Variants in LRRTM4 observed in about 807,000 individuals in gnomAD.
LRRTM4 encodes leucine-rich repeat transmembrane neuronal protein 4.
A neutral mutation model predicts 47.6 loss-of-function variants in LRRTM4; 25 were observed. That is an observed-to-expected ratio of 0.53 (90% CI 0.38 to 0.73). The LOEUF (loss-of-function observed/expected upper bound fraction) is 0.73. LRRTM4 is among the 30% of genes least tolerant of loss of function. LRRTM4 has a pLI of 0.00. For missense variants in LRRTM4, 638 were observed against 713.4 expected, an observed-to-expected ratio of 0.89 and a Z score of 1.20; for synonymous variants, 311 against 269.5, an observed-to-expected ratio of 1.15 and a Z score of -1.51.
intron 3 of LRRTM4, among the ~76,000 whole-genome samples, chr2:77,425,243 A>G (rs937232495): frequency 1.3e-5 from 2 of 152,032 alleles, no homozygotes; most frequent in Non-Finnish European, 2.9e-5. Context: ...TCTTGTAAGA[A>G]CTCTCTGTAT....
At chr2:77,397,781 C>A (rs186750305) in intron 3 of LRRTM4, among the ~76,000 whole-genome samples, 3 of 151,778 alleles carry the variant, frequency 2.0e-5, no homozygotes, top group Non-Finnish European at 4.4e-5. Context: ...AAAAGTGATA[C>A]CTTGAGTATA....
intron 3 of LRRTM4, among the ~76,000 whole-genome samples, chr2:77,039,648 A>C (rs1678958448): frequency 6.6e-6 from 1 of 151,282 alleles, no homozygotes; most frequent in East Asian, 1.9e-4. Flanking sequence ...ATACCATATC[A>C]AATATTAATA....
intron 3 of LRRTM4, among the ~76,000 whole-genome samples, chr2:77,077,015 T>G (rs937833402): frequency 6.6e-6 from 1 of 152,160 alleles, no homozygotes. Context: ...TTTCAACTAT[T>G]GTAATCCATT....
At chr2:77,009,968 CT>C (rs1334642272) in intron 3 of LRRTM4, among the ~76,000 whole-genome samples, 1 of 145,500 alleles carries the variant, frequency 6.9e-6, no homozygotes, top group East Asian at 2.0e-4. Flanking sequence ...GGGCAGGACC[CT>C]TTTTTTAAAA....
intron 3 of LRRTM4, among the ~76,000 whole-genome samples, chr2:77,063,042 C>G (rs922773712): frequency 1.3e-5 from 2 of 151,738 alleles, no homozygotes; most frequent in African/African-American, 4.8e-5. Flanking sequence ...GCAACCTCCA[C>G]CTCCAGGGTT....
chr2:76,855,959 C>T (rs187881929), intron 3 of LRRTM4, among the ~76,000 whole-genome samples: 1 of 152,230 alleles, frequency 6.6e-6, no homozygotes, highest in Admixed American at 6.5e-5. Flanking sequence ...AATAAACTGA[C>T]AGTCAGTCAC....
At chr2:76,884,377 T>C (rs1673012612) in intron 3 of LRRTM4, among the ~76,000 whole-genome samples, 1 of 152,194 alleles carries the variant, frequency 6.6e-6, no homozygotes, top group Admixed American at 6.5e-5. Flanking sequence ...CTATACAGTC[T>C]GTTTTCACAC....
chr2:76,801,612 T>C (rs1675688188), intron 3 of LRRTM4, among the ~76,000 whole-genome samples: 1 of 151,826 alleles, frequency 6.6e-6, no homozygotes, highest in South Asian at 2.1e-4. Flanking sequence ...CATATATACA[T>C]ATGTGACTAA....
At chr2:76,954,598 G>A (rs1360359371) in intron 3 of LRRTM4, among the ~76,000 whole-genome samples, 1 of 151,718 alleles carries the variant, frequency 6.6e-6, no homozygotes, top group Non-Finnish European at 1.5e-5. Flanking sequence ...CGAAGAAGAA[G>A]AGAGAAAGGG....
chr2:77,250,674 G>A (rs1459714885), intron 3 of LRRTM4, among the ~76,000 whole-genome samples: 1 of 152,108 alleles, frequency 6.6e-6, no homozygotes, highest in Non-Finnish European at 1.5e-5. Context: ...TTTTCAGAAA[G>A]GCAAAGGCTT....
chr2:77,408,519 C>A (rs1674298182), intron 3 of LRRTM4, among the ~76,000 whole-genome samples: 1 of 152,146 alleles, frequency 6.6e-6, no homozygotes, highest in East Asian at 1.9e-4. Context: ...AAAATCAGTT[C>A]TTAACTTGTG....
chr2:76,786,311 ATATTTATAACAGAT>A lies in LRRTM4; in HGVS notation c.1552-37409_1552-37396del, dbSNP rs1021855626. On this transcript the variant is annotated intron_variant, in intron 3 of 3. Coordinates refer to ENST00000409884, the MANE Select transcript of LRRTM4 (RefSeq NM_001134745.3). Reference sequence around the variant, plus strand: ...ATGGCGGAGATTGTATTGGTTAAGAATATTTATAACAGATAGAACAAAGCAAAAAATAAAAATAA... The same window carrying A: ...ATGGCGGAGATTGTATTGGTTAAGAAAGAACAAAGCAAAAAATAAAAATAA... 1.7e-4 allele frequency among the ~76,000 whole-genome samples: 26 copies of A among 152,268 alleles called. 2 individuals are homozygous for A. The highest frequency in any genetic ancestry group is 1.6e-3 in the Admixed American group (25 of 15,282).
At chr2:76,902,438 AG>A (rs1021332210) in intron 3 of LRRTM4, among the ~76,000 whole-genome samples, 7 of 152,142 alleles carry the variant, frequency 4.6e-5, no homozygotes, top group Non-Finnish European at 1.0e-4. Context: ...CTTTAGCAAA[AG>A]TTTGTGTGTC....
In LRRTM4 at chr2:77,305,140, T is replaced by C. The variant is rs547510693; in HGVS notation, c.1551+213178A>G. Reference sequence around the variant, plus strand: ...AAAACTACACATAAAACTTAATTATTTGAGATTATGATTTAATTATTTTTT... The same window carrying C: ...AAAACTACACATAAAACTTAATTATCTGAGATTATGATTTAATTATTTTTT... On this transcript the variant is annotated intron_variant, in intron 3 of 3. Transcript: ENST00000409884. Among the ~76,000 whole-genome samples the C allele has an allele frequency of 4.0e-4, 61 of 152,146 alleles. 1 individual carries two copies. In the South Asian group the frequency reaches 0.012, roughly 31 times the overall value.
intron 3 of LRRTM4, among the ~76,000 whole-genome samples, chr2:76,954,588 C>G (rs777383475): frequency 1.3e-5 from 2 of 151,204 alleles, no homozygotes; most frequent in Non-Finnish European, 3.0e-5. Context: ...GAGTTCCAGA[C>G]GAAGAAGAAG....
intron 3 of LRRTM4, among the ~76,000 whole-genome samples, chr2:76,851,388 G>T (rs1671990440): frequency 6.6e-6 from 1 of 152,126 alleles, no homozygotes; most frequent in South Asian, 2.1e-4. Context: ...CAGGGGTTTT[G>T]CTGCAAATGT....
intron 3 of LRRTM4, among the ~76,000 whole-genome samples, chr2:77,220,437 C>A (rs531437132): frequency 6.6e-6 from 1 of 152,014 alleles, no homozygotes; most frequent in Non-Finnish European, 1.5e-5. Flanking sequence ...GAACCAATGG[C>A]AAAGAAGTTA....
chr2:77,050,236 C>G (rs1400268118), intron 3 of LRRTM4, among the ~76,000 whole-genome samples: 3 of 146,998 alleles, frequency 2.0e-5, no homozygotes, highest in African/African-American at 7.6e-5. Context: ...ATCAGCAGAT[C>G]TGGGATCCTT....
chr2:76,890,738 C>T (rs1480613449), intron 3 of LRRTM4, among the ~76,000 whole-genome samples: 1 of 151,314 alleles, frequency 6.6e-6, no homozygotes, highest in Non-Finnish European at 1.5e-5. Flanking sequence ...TAACTGACAA[C>T]ATCTACACCC....
Sources: gnomAD v4.1 joint callset for allele counts (sites outside exome capture counted in the v4.1 genomes callset) on GRCh38, gnomAD v4.1.1 for gene constraint, MANE v1.5 for transcripts, NCBI Gene and HGNC (gene_info 2026-07-23, HGNC 2026-07-21) for gene names.